Variants in PRDM10 observed in about 807,000 individuals in gnomAD.
PRDM10 encodes the protein PR domain zinc finger protein 10.
Under a neutral mutation model 133.1 loss-of-function variants are expected in PRDM10, and 65 were observed. That is an observed-to-expected ratio of 0.49 (90% CI 0.40 to 0.60). The LOEUF is 0.60. Among genes scored for constraint, PRDM10 ranks in the 20% least tolerant of loss-of-function variants. The probability of loss-of-function intolerance (pLI) is 0.00; values close to 1 mark genes in which losing one functional copy is unlikely to be tolerated. For missense variants in PRDM10, 1,137 were observed against 1,507.1 expected, an observed-to-expected ratio of 0.75 and a Z score of 4.07; for synonymous variants, 582 against 580.4, an observed-to-expected ratio of 1.00 and a Z score of -0.04.
At chr11:129,917,262 G>A (rs762532262) in intron 14 of PRDM10, 25 bp from the exon 15 acceptor site, 2 of 1,532,114 alleles carry the variant, frequency 1.3e-6, no homozygotes, top group Non-Finnish European at 1.8e-6. Context: ...AAGAACCAAT[G>A]AGAAAAAGAG....
intron 20 of PRDM10, among the ~76,000 whole-genome samples, chr11:129,904,727 T>C (rs1357291486): frequency 1.3e-5 from 2 of 152,236 alleles, no homozygotes; most frequent in Admixed American, 6.5e-5. Flanking sequence ...CTTGAACTCC[T>C]GACCTCAAGT....
intron 4 of PRDM10, among the ~76,000 whole-genome samples, chr11:129,953,588 C>T: frequency 6.6e-6 from 1 of 152,122 alleles, no homozygotes; most frequent in East Asian, 1.9e-4. Flanking sequence ...GGCCAGAAAA[C>T]ATGTTTTTTA....
At chr11:129,957,965 A>G in intron 2 of PRDM10, 55 bp from the exon 3 acceptor site, 1 of 1,539,594 alleles carries the variant, frequency 6.5e-7, no homozygotes, top group Admixed American at 1.8e-5. Context: ...TAAGTGATCA[A>G]CAAGCACACC....
chr11:129,972,217 T>C (rs1952047147), intron 1 of PRDM10, among the ~76,000 whole-genome samples: 1 of 152,096 alleles, frequency 6.6e-6, no homozygotes, highest in African/African-American at 2.4e-5. Context: ...CACACCTCCC[T>C]GCAAGCTGAG....
intron 1 of PRDM10, among the ~76,000 whole-genome samples, chr11:129,987,474 G>C (rs527239910): frequency 6.6e-6 from 1 of 152,080 alleles, no homozygotes; most frequent in Non-Finnish European, 1.5e-5. Flanking sequence ...AAAACAGCCC[G>C]GCAATTCCAC....
chr11:129,947,607 C>G lies in PRDM10; in HGVS notation c.295-237G>C. 7.3e-7 allele frequency: 1 copy of G among 1,368,938 alleles called. No individual in the cohort carries two copies. Among genetic ancestry groups the G allele is most frequent in the Non-Finnish European group, 9.6e-7 (1 of 1,044,652 alleles). The allele number at this position is 1,368,938 out of a possible 1,614,324, so 84.8% of individuals were successfully genotyped here. ...TGCCCTCCCTCTGCCCCTTCTGTCC[C>G]ACACCTGGGAGGGCTGCTAAGAAGG... On this transcript the variant is annotated intron_variant, in intron 4 of 20. Coordinates refer to ENST00000360871, the MANE Select transcript of PRDM10 (RefSeq NM_199437.2). The surrounding 1 kb of genome is among the most constrained non-coding windows in gnomAD (Gnocchi z 4.6).
intron 13 of PRDM10, among the ~76,000 whole-genome samples, chr11:129,921,787 G>T (rs1233555967): frequency 2.0e-5 from 3 of 152,174 alleles, no homozygotes; most frequent in Non-Finnish European, 4.4e-5. Flanking sequence ...GCTCTAGACG[G>T]TGTCATGTAG....
chr11:129,905,153 G>A, intron 20 of PRDM10, among the ~76,000 whole-genome samples: 1 of 152,086 alleles, frequency 6.6e-6, no homozygotes, highest in Non-Finnish European at 1.5e-5. Flanking sequence ...CATGAGGTCA[G>A]GAGATCAAGA....
At chr11:129,930,928 G>A in intron 11 of PRDM10, 88 bp downstream of exon 11, 9 of 1,489,310 alleles carry the variant, frequency 6.0e-6, no homozygotes, top group Non-Finnish European at 8.0e-6. Context: ...CAGAGAGGAA[G>A]GTGAATAGGT....
chr11:129,917,186 C>A lies in PRDM10; in HGVS notation c.2266G>T (p.Glu756Ter). 1 of 1,613,888 alleles carries A rather than the reference C, an allele frequency of 6.2e-7. No homozygotes were observed. Among genetic ancestry groups the A allele is most frequent in the Non-Finnish European group, 8.5e-7 (1 of 1,179,796 alleles). Residue 756 changes from glutamate to a stop codon, truncating the protein, a stop_gained, in exon 15 of 21, where the codon GAG becomes TAG. Transcript: ENST00000360871. LOFTEE classifies it high-confidence loss of function. Reference protein sequence around the residue: ...HPDMKIEEVPELTLPIIKPNR... With the variant: ...HPDMKIEEVP ...GGTTTTATGATGGGTAGAGTTAACTCTGGCACCTCTTCTATCTTCATGTCT... is the reference window on the plus strand; with the variant it reads ...GGTTTTATGATGGGTAGAGTTAACTATGGCACCTCTTCTATCTTCATGTCT...
chr11:130,002,547 C>T (rs1939483730), intron 1 of PRDM10, among the ~76,000 whole-genome samples, 175 bp downstream of exon 1: 1 of 151,970 alleles, frequency 6.6e-6, no homozygotes, highest in Non-Finnish European at 1.5e-5. Context: ...CCACCACCAC[C>T]ATCAATTCCC....
intron 1 of PRDM10, among the ~76,000 whole-genome samples, chr11:129,980,051 G>T (rs1391045328): frequency 3.9e-5 from 6 of 152,340 alleles, no homozygotes; most frequent in Non-Finnish European, 8.8e-5. Context: ...TCACATAAGT[G>T]TGGCCAGGAT....
chr11:129,978,892 AT>A (rs1329538654), intron 1 of PRDM10, among the ~76,000 whole-genome samples: 1 of 152,144 alleles, frequency 6.6e-6, no homozygotes, highest in Non-Finnish European at 1.5e-5. Flanking sequence ...CGATCCTCCC[AT>A]CCCATTTGAG....
intron 2 of PRDM10, among the ~76,000 whole-genome samples, chr11:129,958,166 G>A (rs542170303): frequency 3.2e-4 from 48 of 152,304 alleles, no homozygotes; most frequent in East Asian, 7.7e-4. Context: ...TAATAAGGGC[G>A]TGGTTAATTG....
intron 15 of PRDM10, among the ~76,000 whole-genome samples, chr11:129,916,372 G>A (rs1950356899): frequency 6.6e-6 from 1 of 152,254 alleles, no homozygotes; most frequent in Non-Finnish European, 1.5e-5. Flanking sequence ...GGATGGCTGG[G>A]TGTGGTGGCT....
chr11:129,950,222 G>A (rs1308856809), intron 4 of PRDM10, among the ~76,000 whole-genome samples: 1 of 152,014 alleles, frequency 6.6e-6, no homozygotes, highest in Non-Finnish European at 1.5e-5. Context: ...ACACAGCAAG[G>A]CCCTGTCTCA....
chr11:129,914,741 G>A lies in PRDM10; in HGVS notation c.2804C>T (p.Pro935Leu). ...VSQSASGLQQ[P>L]QHIQLQVVQV... ...AACCACTTGCAGCTGTATGTGCTGA[G>A]GCTGCTGGAGGCCAGACGCCGACTG... is the stretch of plus-strand genomic sequence containing the variant. Residue 935 changes from proline (P) to leucine (L), a missense_variant, in exon 17 of 21, where the codon CCT becomes CTT. By Grantham distance (98) the Pro-to-Leu change is moderately conservative (BLOSUM62 -3). This residue lies in a region of PRDM10 where 113 missense variants were observed against 143.7 expected (regional missense o/e 0.79). Transcript: ENST00000360871. The A allele has an allele frequency of 6.2e-7, 1 of 1,614,236 alleles. No individual in the cohort carries two copies. Among genetic ancestry groups the A allele is most frequent in the Non-Finnish European group, 8.5e-7 (1 of 1,180,040 alleles).
Position 129,923,687 on chromosome 11 carries a change from A to C in PRDM10, c.1879-284T>G, listed in dbSNP as rs965345868. On this transcript the variant is annotated intron_variant, in intron 12 of 20. Transcript: ENST00000360871. The surrounding 1 kb of genome is among the most constrained non-coding windows in gnomAD (Gnocchi z 4.4). Reference sequence around the variant, plus strand: ...GAGAGAGAGAGAGAGAGAGAGAGAGAGAGAGAGTGCTTGCTTGGTCAAAGC... The same window carrying C: ...GAGAGAGAGAGAGAGAGAGAGAGAGCGAGAGAGTGCTTGCTTGGTCAAAGC... 1.4e-4 allele frequency among the ~76,000 whole-genome samples: 21 copies of C among 145,302 alleles called. No homozygotes were observed. The highest frequency in any genetic ancestry group is 4.8e-4 in the African/African-American group (18 of 37,836).
intron 1 of PRDM10, among the ~76,000 whole-genome samples, chr11:129,978,488 G>A (rs73579243): frequency 0.048 from 7,301 of 152,274 alleles, 464 homozygotes; most frequent in African/African-American, 0.15. Context: ...GGAAGATACT[G>A]TATAACCAGA....
Sources: allele counts gnomAD v4.1 joint callset (sites outside exome capture counted in the v4.1 genomes callset), GRCh38; gene constraint gnomAD v4.1.1; regional missense constraint gnomAD v4.1.1; non-coding constraint Gnocchi (gnomAD v3.1); transcripts MANE v1.5; gene names NCBI Gene and HGNC (gene_info 2026-07-23, HGNC 2026-07-21).